CHCHD6: variants seen among roughly 807,000 people sequenced by gnomAD.
CHCHD6 encodes the protein coiled-coil-helix-coiled-coil-helix domain containing 6.
CHCHD6 carries 28 observed loss-of-function variants against 32.3 expected under a neutral mutation model. That is an observed-to-expected ratio of 0.87 (90% CI 0.64 to 1.19). The LOEUF (loss-of-function observed/expected upper bound fraction) is 1.19, where lower values mean the gene tolerates loss of function less well. CHCHD6 is among the 50% of genes most tolerant of loss of function. CHCHD6 has a pLI of 0.00. For missense variants in CHCHD6, 333 were observed against 307.0 expected (o/e 1.08, Z -0.63); for synonymous variants, 122 against 117.5 (o/e 1.04, Z -0.25).
intron 1 of CHCHD6, among the ~76,000 whole-genome samples, chr3:126,710,571 G>A (rs1345636203): frequency 6.6e-6 from 1 of 152,164 alleles, no homozygotes. Context: ...TAGTATACAC[G>A]AAATATCTCT....
At chr3:126,762,360 G>GT (rs1264780439) in intron 4 of CHCHD6, among the ~76,000 whole-genome samples, 11 of 152,104 alleles carry the variant, frequency 7.2e-5, no homozygotes, top group Non-Finnish European at 1.3e-4. Context: ...TCCATTTCAA[G>GT]TTATATCCTA....
chr3:126,785,080 A>G (rs1938131160), intron 4 of CHCHD6, among the ~76,000 whole-genome samples: 1 of 152,122 alleles, frequency 6.6e-6, no homozygotes, highest in South Asian at 2.1e-4. Flanking sequence ...CAGTAATGTC[A>G]TCTTGCACAA....
Position 126,757,161 on chromosome 3 carries a change from G to C in CHCHD6, c.411+23939G>C, listed in dbSNP as rs575522912. ...CCAAATTCAAAACTTTGCAAGTGCT[G>C]ACATGACACTCAAAGGAAATGCTCA... On this transcript the variant is annotated intron_variant, in intron 4 of 7. Transcript: ENST00000290913. Among the ~76,000 whole-genome samples, 3 of 152,296 alleles carry C rather than the reference G, an allele frequency of 2.0e-5. No homozygotes were observed. The South Asian group carries it at 6.2e-4, about 32-fold the overall frequency.
At chr3:126,960,094 C>G in intron 7 of CHCHD6, 102 bp from the exon 8 acceptor site, 1 of 1,421,700 alleles carries the variant, frequency 7.0e-7, no homozygotes, top group Non-Finnish European at 9.7e-7. Flanking sequence ...CAACTCACAG[C>G]TGCTCCCTGG....
intron 5 of CHCHD6, 142 bp downstream of exon 5, chr3:126,852,872 C>T (rs1163314632): frequency 4.9e-6 from 3 of 609,708 alleles, no homozygotes; most frequent in African/African-American, 1.8e-5. Flanking sequence ...TGGACATGCC[C>T]TCCTGCATTC....
At chr3:126,866,251 G>C (rs914097577) in intron 5 of CHCHD6, among the ~76,000 whole-genome samples, 7 of 152,140 alleles carry the variant, frequency 4.6e-5, no homozygotes, top group Non-Finnish European at 4.4e-5. Context: ...GTGCCCAGTA[G>C]TTAGCATTTA....
At chr3:126,914,593 C>T (rs1328216244) in intron 5 of CHCHD6, 87 bp from the exon 6 acceptor site, 12 of 789,452 alleles carry the variant, frequency 1.5e-5, no homozygotes, top group Admixed American at 1.3e-4. Context: ...AAATTAGCAT[C>T]TGTCAATTTC....
chr3:126,948,577 C>G (rs2078672680), intron 6 of CHCHD6, among the ~76,000 whole-genome samples: 2 of 152,178 alleles, frequency 1.3e-5, no homozygotes, highest in Non-Finnish European at 2.9e-5. Context: ...CCAATAAGGC[C>G]ATGTTCCGAG....
intron 1 of CHCHD6, among the ~76,000 whole-genome samples, chr3:126,718,432 C>T (rs191942937): frequency 6.6e-6 from 1 of 152,276 alleles, no homozygotes; most frequent in Admixed American, 6.5e-5. Flanking sequence ...TTCCATTTAA[C>T]AGATGAGGAA....
intron 5 of CHCHD6, among the ~76,000 whole-genome samples, chr3:126,902,491 C>T (rs1241165327): frequency 6.6e-6 from 1 of 152,054 alleles, no homozygotes; most frequent in Non-Finnish European, 1.5e-5. Flanking sequence ...CCGAGGCGGG[C>T]AGATCATGAG....
At chr3:126,879,205 A>G (rs2077577080) in intron 5 of CHCHD6, among the ~76,000 whole-genome samples, 1 of 152,226 alleles carries the variant, frequency 6.6e-6, no homozygotes, top group Admixed American at 6.5e-5. Flanking sequence ...TGAAGCAGTC[A>G]GAATTCCATC....
chr3:126,842,493 A>C (rs138332085), intron 4 of CHCHD6, among the ~76,000 whole-genome samples: 4 of 152,276 alleles, frequency 2.6e-5, no homozygotes, highest in East Asian at 1.9e-4. Flanking sequence ...GTGGTCCCCA[A>C]ATGTGAGGTT....
Position 126,804,678 on chromosome 3 carries a change from A to T in CHCHD6, c.412-47969A>T, listed in dbSNP as rs569382909. Reference sequence around the variant, plus strand: ...TATTCCAATCAATAGAAAAAGAGGGAATTCTCCCTAATTCATTTTATGAGG... The same window carrying T: ...TATTCCAATCAATAGAAAAAGAGGGTATTCTCCCTAATTCATTTTATGAGG... On this transcript the variant is annotated intron_variant, in intron 4 of 7. Coordinates refer to ENST00000290913, the MANE Select transcript of CHCHD6 (RefSeq NM_032343.3). Among the ~76,000 whole-genome samples the T allele has an allele frequency of 4.9e-3, 751 of 152,314 alleles. 5 individuals are homozygous for T. Among genetic ancestry groups the T allele is most frequent in the Non-Finnish European group, 7.1e-3 (486 of 68,032 alleles).
intron 4 of CHCHD6, among the ~76,000 whole-genome samples, chr3:126,800,255 A>G (rs894960094): frequency 2.6e-5 from 4 of 152,226 alleles, no homozygotes; most frequent in African/African-American, 7.2e-5. Flanking sequence ...TAGAAGGCAT[A>G]TTGAACATAC....
intron 5 of CHCHD6, among the ~76,000 whole-genome samples, chr3:126,914,348 C>A (rs998031990): frequency 2.0e-5 from 3 of 152,216 alleles, no homozygotes; most frequent in Non-Finnish European, 4.4e-5. Context: ...GAAGCAGCCA[C>A]AGACAATATG....
At chr3:126,808,781 C>T (rs1939527047) in intron 4 of CHCHD6, among the ~76,000 whole-genome samples, 1 of 152,074 alleles carries the variant, frequency 6.6e-6, no homozygotes, top group South Asian at 2.1e-4. Flanking sequence ...CCCAAGTTGC[C>T]CTCGTTTGGT....
chr3:126,714,031 C>T (rs560721947), intron 1 of CHCHD6, among the ~76,000 whole-genome samples: 29 of 133,392 alleles, frequency 2.2e-4, no homozygotes, highest in African/African-American at 3.3e-4. Context: ...GAGCTGAGAT[C>T]GCACCACTGC....
chr3:126,866,448 T>C (rs995381465), intron 5 of CHCHD6, among the ~76,000 whole-genome samples: 2 of 152,212 alleles, frequency 1.3e-5, no homozygotes, highest in Non-Finnish European at 2.9e-5. Flanking sequence ...TGAACAAGCC[T>C]GTGAGGAAGG....
At chr3:126,910,139 G>A (rs1370046542) in intron 5 of CHCHD6, among the ~76,000 whole-genome samples, 2 of 152,000 alleles carry the variant, frequency 1.3e-5, no homozygotes, top group Non-Finnish European at 2.9e-5. Flanking sequence ...TAGCTGGGCA[G>A]GATGGCACAC....
Sources: gnomAD v4.1 joint callset for allele counts (sites outside exome capture counted in the v4.1 genomes callset) on GRCh38, gnomAD v4.1.1 for gene constraint, MANE v1.5 for transcripts, NCBI Gene and HGNC (gene_info 2026-07-23, HGNC 2026-07-21) for gene names.